Variants in ME1 observed in about 807,000 individuals in gnomAD.
ME1 encodes the protein NADP-dependent malic enzyme.
Under a neutral mutation model 66.4 loss-of-function variants are expected in ME1, and 74 were observed. The observed-to-expected ratio is 1.11, with a 90% CI of 0.92 to 1.35. The LOEUF is 1.35. ME1 is among the 40% of genes most tolerant of loss of function. The pLI is 0.00. For missense variants in ME1, 750 were observed against 694.1 expected (o/e 1.08, Z -0.90); for synonymous variants, 251 against 235.6 (o/e 1.07, Z -0.60).
At chr6:83,223,166 T>A (rs920234698) in intron 12 of ME1, among the ~76,000 whole-genome samples, 2 of 152,222 alleles carry the variant, frequency 1.3e-5, no homozygotes, top group African/African-American at 4.8e-5. Context: ...GTTTTTGCTT[T>A]TTTTTAGGTA....
At chr6:83,400,386 T>C (rs953654923) in intron 2 of ME1, among the ~76,000 whole-genome samples, 2 of 152,308 alleles carry the variant, frequency 1.3e-5, no homozygotes, top group Middle Eastern at 6.8e-3. Flanking sequence ...ATTGGTGCCA[T>C]GTTTGTACAA....
At chr6:83,354,283 C>T (rs528939703) in intron 3 of ME1, among the ~76,000 whole-genome samples, 12 of 152,212 alleles carry the variant, frequency 7.9e-5, no homozygotes, top group Admixed American at 3.9e-4. Flanking sequence ...CCTGCCACCA[C>T]GCCTAGCTAA....
chr6:83,284,660 T>C (rs948452418), intron 6 of ME1, among the ~76,000 whole-genome samples: 1 of 152,040 alleles, frequency 6.6e-6, no homozygotes, highest in Non-Finnish European at 1.5e-5. Flanking sequence ...CCCTTCATTA[T>C]AAAAAACCTC....
intron 7 of ME1, among the ~76,000 whole-genome samples, chr6:83,251,530 A>G (rs1214961279): frequency 6.6e-6 from 1 of 152,080 alleles, no homozygotes; most frequent in Non-Finnish European, 1.5e-5. Context: ...AAATGCTACT[A>G]TGATAAGGAA....
At chr6:83,414,724 A>G (rs1325006462) in intron 1 of ME1, among the ~76,000 whole-genome samples, 1 of 152,200 alleles carries the variant, frequency 6.6e-6, no homozygotes, top group Non-Finnish European at 1.5e-5. Context: ...ATCGTTATAG[A>G]TTCTTTGTAA....
At chr6:83,413,884 G>A (rs1009726641) in intron 1 of ME1, among the ~76,000 whole-genome samples, 2 of 152,070 alleles carry the variant, frequency 1.3e-5, no homozygotes, top group Non-Finnish European at 2.9e-5. Flanking sequence ...TAAAGCAGAA[G>A]GATGGCTTGA....
At chr6:83,347,113 C>T (rs930631469) in intron 4 of ME1, among the ~76,000 whole-genome samples, 4 of 151,944 alleles carry the variant, frequency 2.6e-5, no homozygotes, top group African/African-American at 9.7e-5. Context: ...GCCACCACGC[C>T]CGGCTAATTT....
chr6:83,373,639 T>C (rs1272454192), intron 3 of ME1, among the ~76,000 whole-genome samples: 1 of 152,338 alleles, frequency 6.6e-6, no homozygotes, highest in South Asian at 2.1e-4. Context: ...CTGGGATACA[T>C]GTGTACAGAA....
intron 5 of ME1, 86 bp downstream of exon 5, chr6:83,346,087 T>C: frequency 1.9e-6 from 2 of 1,057,216 alleles, no homozygotes; most frequent in Non-Finnish European, 2.6e-6. Context: ...GAATGAATTT[T>C]ATGAGTTCCT....
At chr6:83,380,251 A>G (rs1769370230) in intron 3 of ME1, among the ~76,000 whole-genome samples, 1 of 152,084 alleles carries the variant, frequency 6.6e-6, no homozygotes, top group African/African-American at 2.4e-5. Context: ...TGGGGTAGGG[A>G]CATGAGTGGG....
intron 6 of ME1, among the ~76,000 whole-genome samples, chr6:83,313,073 T>C (rs1767961380): frequency 6.6e-6 from 1 of 152,186 alleles, no homozygotes; most frequent in Non-Finnish European, 1.5e-5. Flanking sequence ...TACTCCTTAA[T>C]AAACTCTATC....
chr6:83,392,194 T>C (rs555009454), intron 3 of ME1, among the ~76,000 whole-genome samples: 50 of 151,154 alleles, frequency 3.3e-4, no homozygotes, highest in Middle Eastern at 3.4e-3. Context: ...AGGTGAAGGC[T>C]GGAGTCAACA....
intron 6 of ME1, among the ~76,000 whole-genome samples, chr6:83,278,017 A>G (rs1296689266): frequency 6.6e-6 from 1 of 152,064 alleles, no homozygotes; most frequent in Non-Finnish European, 1.5e-5. Context: ...ATCTAGGGTC[A>G]GAGTTTCTGG....
intron 7 of ME1, 105 bp from the exon 8 acceptor site, chr6:83,239,741 C>T: frequency 1.3e-6 from 1 of 755,268 alleles, no homozygotes; most frequent in Non-Finnish European, 2.2e-6. Context: ...TTAACTGGTA[C>T]AGAAGAGAAA....
intron 3 of ME1, among the ~76,000 whole-genome samples, chr6:83,352,794 G>A (rs1373912913): frequency 6.6e-6 from 1 of 152,124 alleles, no homozygotes; most frequent in Non-Finnish European, 1.5e-5. Context: ...ATATGTAAAT[G>A]CCTTATCCTC....
rs553626210 is a variant in ME1, at chr6:83,429,318, TTAC to T, written c.78+1556_78+1558del. ...GATGTAAGCATAGTAAAGGCAATAATTACTCTTGCTCAGGGATTGCTCATGCCA... is the reference window on the plus strand; with the variant it reads ...GATGTAAGCATAGTAAAGGCAATAATTCTTGCTCAGGGATTGCTCATGCCA... On this transcript the variant is annotated intron_variant, in intron 1 of 13. Coordinates refer to ENST00000369705, the MANE Select transcript of ME1 (RefSeq NM_002395.6). Among the ~76,000 whole-genome samples the T allele has an allele frequency of 1.1e-4, 16 of 152,252 alleles. No individual in the cohort carries two copies. The East Asian group carries it at 2.5e-3, about 24-fold the overall frequency.
At chr6:83,289,615 C>T (rs949200454) in intron 6 of ME1, among the ~76,000 whole-genome samples, 1 of 152,150 alleles carries the variant, frequency 6.6e-6, no homozygotes, top group Non-Finnish European at 1.5e-5. Context: ...GTGTCTCTGC[C>T]AGGCTTTGGT....
chr6:83,211,134 C>T lies in ME1; in HGVS notation c.*790G>A, dbSNP rs1305868183. 7.2e-5 allele frequency: 11 copies of T among 152,202 alleles called. No homozygotes were observed. The highest frequency in any genetic ancestry group is 6.5e-4 in the Admixed American group (10 of 15,274). The allele number at this position is 152,202 out of a possible 1,614,324, so 9.4% of individuals were successfully genotyped here. A position where few individuals can be genotyped will look rare whatever the true frequency, so the allele number is the denominator to read the frequency against. On this transcript the variant is annotated 3_prime_UTR_variant, in exon 14 of 14. Coordinates refer to ENST00000369705, the MANE Select transcript of ME1 (RefSeq NM_002395.6). ...TCTCCTTTCAGACCTTCTCACTGCT[C>T]AGGCTGTGCTGAACTGAAGGTGCCA...
intron 6 of ME1, among the ~76,000 whole-genome samples, chr6:83,293,646 C>A (rs926815309): frequency 6.6e-6 from 1 of 152,050 alleles, no homozygotes; most frequent in African/African-American, 2.4e-5. Flanking sequence ...CCCAGGAAAT[C>A]AACTGCATAA....
Sources: allele counts gnomAD v4.1 joint callset (sites outside exome capture counted in the v4.1 genomes callset), GRCh38; gene constraint gnomAD v4.1.1; transcripts MANE v1.5; gene names NCBI Gene and HGNC (gene_info 2026-07-23, HGNC 2026-07-21).